Variants in PLEKHS1 observed in about 807,000 individuals in gnomAD.
The protein encoded by PLEKHS1 is pleckstrin homology domain containing S1, also known as pleckstrin homology domain-containing family S member 1.
A neutral mutation model predicts 51.0 loss-of-function variants in PLEKHS1; 55 were observed. The observed-to-expected ratio is 1.08, with a 90% CI of 0.87 to 1.35. The LOEUF is 1.35. PLEKHS1 is among the 40% of genes most tolerant of loss of function. The probability of loss-of-function intolerance (pLI) is 0.00; values close to 1 mark genes in which losing one functional copy is unlikely to be tolerated. For missense variants in PLEKHS1, 398 were observed against 423.0 expected (o/e 0.94, Z 0.52); for synonymous variants, 153 against 144.8 (o/e 1.06, Z -0.41).
chr10:113,758,499 C>G (rs1160611998), intron 2 of PLEKHS1, among the ~76,000 whole-genome samples: 1 of 152,028 alleles, frequency 6.6e-6, no homozygotes, highest in Non-Finnish European at 1.5e-5. Flanking sequence ...ATGTTATAAA[C>G]AGATATGCTG....
In PLEKHS1 at chr10:113,772,260, C is replaced by T. The variant is rs551716330; in HGVS notation, c.672+171C>T. On this transcript the variant is annotated intron_variant, in intron 8 of 11. Coordinates refer to ENST00000361048, the Ensembl canonical transcript of PLEKHS1. ...ACTTGACTAGGAGACAGCTGTAATA[C>T]AAGACAGAGGGTTCTATGCTGAAGA... Among the ~76,000 whole-genome samples, 13 of 152,250 alleles carry T rather than the reference C, an allele frequency of 8.5e-5. No homozygotes were observed. The South Asian group carries it at 2.5e-3, about 29-fold the overall frequency.
chr10:113,772,945 T>A (rs73361845), intron 8 of PLEKHS1, among the ~76,000 whole-genome samples: 3,222 of 152,244 alleles, frequency 0.021, 109 homozygotes, highest in African/African-American at 0.073. Context: ...CCTCCATTAG[T>A]ATTAACTGAG....
At chr10:113,778,430 T>C (rs1480705720) in intron 11 of PLEKHS1, among the ~76,000 whole-genome samples, 3 of 152,250 alleles carry the variant, frequency 2.0e-5, no homozygotes, top group Non-Finnish European at 4.4e-5. Context: ...CCAAATTTCT[T>C]CCAGCTCTAG....
downstream of PLEKHS1, chr10:113,783,132 G>C (rs1183383512): frequency 2.0e-5 from 3 of 152,026 alleles, no homozygotes; most frequent in African/African-American, 7.3e-5. Context: ...CTACTTGAGA[G>C]GCTGGGGCAG....
chr10:113,753,536 G>A (rs1358691946), intron 1 of PLEKHS1, among the ~76,000 whole-genome samples: 1 of 152,088 alleles, frequency 6.6e-6, no homozygotes, highest in Non-Finnish European at 1.5e-5. Context: ...CAGCAGGCGA[G>A]GGCTAAGGGC....
At position 113,756,980 on chromosome 10, in the gene PLEKHS1, G is replaced by A. The variant is rs1284069300; in HGVS notation, c.28+1675G>A. On this transcript the variant is annotated intron_variant, in intron 2 of 11. Coordinates refer to ENST00000361048, the Ensembl canonical transcript of PLEKHS1. ...CGCTCAGGCTGGAGTGCAGTGGTGC[G>A]ATCTCAACTCACTGCAACCTCTGCC... Among the ~76,000 whole-genome samples the A allele has an allele frequency of 3.4e-5, 5 of 146,694 alleles. No homozygotes were observed. In the Admixed American group the frequency reaches 3.5e-4, roughly 10 times the overall value.
chr10:113,769,442 G>C (rs1354612768), intron 6 of PLEKHS1, among the ~76,000 whole-genome samples: 1 of 152,182 alleles, frequency 6.6e-6, no homozygotes, highest in Non-Finnish European at 1.5e-5. Context: ...TACAGCAAAA[G>C]CCAAAGAGAA....
intron 11 of PLEKHS1, 131 bp from the exon 12 acceptor site, chr10:113,776,993 A>G: frequency 3.7e-6 from 4 of 1,072,404 alleles, no homozygotes; most frequent in South Asian, 1.6e-5. Flanking sequence ...AGGAAACAAT[A>G]TTCTAAACAG....
intron 2 of PLEKHS1, among the ~76,000 whole-genome samples, chr10:113,766,200 G>A (rs1413298458): frequency 1.3e-5 from 2 of 152,220 alleles, no homozygotes; most frequent in African/African-American, 2.4e-5. Context: ...AATTAACATG[G>A]TTTCAAATGT....
chr10:113,766,432 A>G, exon 3 of PLEKHS1: 1 of 1,586,376 alleles, frequency 6.3e-7, no homozygotes, highest in Non-Finnish European at 8.6e-7. Flanking sequence ...ACATTTTCTT[A>G]TGAAAATGAA....
intron 2 of PLEKHS1, among the ~76,000 whole-genome samples, chr10:113,761,737 A>G (rs1418867300): frequency 2.0e-5 from 3 of 151,624 alleles, no homozygotes; most frequent in African/African-American, 7.3e-5. Context: ...ATTCTTTTCC[A>G]TTTGGATGTT....
chr10:113,756,508 A>G (rs1854122459), intron 2 of PLEKHS1, among the ~76,000 whole-genome samples: 1 of 152,148 alleles, frequency 6.6e-6, no homozygotes, highest in South Asian at 2.1e-4. Flanking sequence ...CATGCAAGTC[A>G]CTGTGCTGGG....
chr10:113,754,728 C>T (rs973483625), intron 1 of PLEKHS1, among the ~76,000 whole-genome samples: 1 of 152,156 alleles, frequency 6.6e-6, no homozygotes, highest in African/African-American at 2.4e-5. Context: ...TCATGATCTA[C>T]CCGCCTCAGC....
chr10:113,771,474 C>A lies in PLEKHS1; in HGVS notation c.553-496C>A, dbSNP rs1844401633. Among the ~76,000 whole-genome samples, 4 of 151,920 alleles carry A rather than the reference C, an allele frequency of 2.6e-5. No homozygotes were observed. The South Asian group carries it at 8.3e-4, about 32-fold the overall frequency. On this transcript the variant is annotated intron_variant, in intron 7 of 11. Coordinates refer to ENST00000361048, the Ensembl canonical transcript of PLEKHS1. ...GGATCACGAGGTCAGGAGTTTGAGACCAGCCTGGCCAATATGGTGAAACCC... is the reference window on the plus strand; with the variant it reads ...GGATCACGAGGTCAGGAGTTTGAGAACAGCCTGGCCAATATGGTGAAACCC...
At chr10:113,765,061 ACTTT>A (rs1844098938) in intron 2 of PLEKHS1, 2 of 267,904 alleles carry the variant, frequency 7.5e-6, no homozygotes, top group Non-Finnish European at 1.4e-5. Context: ...TGATTGATTG[ACTTT>A]CTTCTCATTA....
rs537138603 is a variant in PLEKHS1 at position 113,763,809 on chromosome 10, T to TCAAA, written c.29-2600_29-2599insAACA. 3.6e-3 allele frequency among the ~76,000 whole-genome samples: 543 copies of TCAAA among 152,330 alleles called. 6 individuals carry two copies. The highest frequency in any genetic ancestry group is 0.013 in the African/African-American group (528 of 41,570). ...CACAATACATTGTCTTTATTTTTGT[T>TCAAA]CAGTTAATGTTTTAATGTTTTCAAT... On this transcript the variant is annotated intron_variant, in intron 2 of 11. Coordinates refer to ENST00000361048, the Ensembl canonical transcript of PLEKHS1.
At chr10:113,764,599 G>A (rs948425348) in intron 2 of PLEKHS1, among the ~76,000 whole-genome samples, 5 of 152,128 alleles carry the variant, frequency 3.3e-5, no homozygotes, top group South Asian at 4.2e-4. Context: ...ATCTTGTGCC[G>A]AGATTCATTG....
Position 113,777,278 on chromosome 10 carries a change from C to A in PLEKHS1, c.1091+1412C>A. ...GAAGGAGGTGAGTCGTACTGACCAGCCCTGAACAGGGCAAATCAGTACCAG... is the reference window on the plus strand; with the variant it reads ...GAAGGAGGTGAGTCGTACTGACCAGACCTGAACAGGGCAAATCAGTACCAG... On this transcript the variant is annotated intron_variant, in intron 11 of 11. Coordinates refer to ENST00000361048, the Ensembl canonical transcript of PLEKHS1. 6.2e-7 allele frequency: 1 copy of A among 1,612,448 alleles called. No homozygotes were observed. Among genetic ancestry groups the A allele is most frequent in the South Asian group, 1.1e-5 (1 of 90,982 alleles).
chr10:113,768,879 C>T lies in PLEKHS1; in HGVS notation c.424C>T (p.Gln142Ter), dbSNP rs1398078351. 1 of 1,612,868 alleles carries T rather than the reference C, an allele frequency of 6.2e-7. No individual in the cohort carries two copies. Among genetic ancestry groups the T allele is most frequent in the Non-Finnish European group, 8.5e-7 (1 of 1,179,564 alleles). ...TCGCCAGGATATAAAAGCAACACAG[C>T]AGAACACAGAGGTGACTCCATATCA... The change falls in exon 6 of 12, where the codon CAG (glutamine) becomes TAG (stop). Residue 142 changes from glutamine (Q) to a stop codon, truncating the protein, a stop_gained. Transcript: ENST00000361048. LOFTEE classifies it high-confidence loss of function.
Sources: gnomAD v4.1 joint callset for allele counts (sites outside exome capture counted in the v4.1 genomes callset) on GRCh38, gnomAD v4.1.1 for gene constraint, MANE v1.5 for transcripts, NCBI Gene and HGNC (gene_info 2026-07-23, HGNC 2026-07-21) for gene names.